DYSF: variants seen among roughly 807,000 people sequenced by gnomAD.
DYSF encodes dystrophy-associated fer-1-like 1.
A neutral mutation model predicts 274.9 loss-of-function variants in DYSF; 212 were observed. The observed-to-expected ratio is 0.77, with a 90% CI of 0.69 to 0.86. The LOEUF is 0.86. DYSF is among the 40% of genes least tolerant of loss of function. The pLI is 0.00. For missense variants in DYSF, 2,666 were observed against 2,783.2 expected (o/e 0.96, Z 0.95); for synonymous variants, 1,091 against 1,078.7 (o/e 1.01, Z -0.22).
chr2:71,617,879 GGT>G (rs756123529), intron 40 of DYSF, among the ~76,000 whole-genome samples: 2 of 20,668 alleles, frequency 9.7e-5, no homozygotes, highest in Admixed American at 6.8e-4. Flanking sequence ...GTAGAGGTGG[GGT>G]GTGTGTGGTA....
At chr2:71,567,428 C>T (rs780809906) in intron 24 of DYSF, among the ~76,000 whole-genome samples, 2 of 152,304 alleles carry the variant, frequency 1.3e-5, no homozygotes, top group African/African-American at 2.4e-5. Flanking sequence ...AATATGGTAG[C>T]CACAGATGGC....
At chr2:71,638,318 T>C (rs1439043662) in intron 41 of DYSF, among the ~76,000 whole-genome samples, 1 of 147,588 alleles carries the variant, frequency 6.8e-6, no homozygotes, top group African/African-American at 2.5e-5. Flanking sequence ...AACAGAGTTG[T>C]GCAACCATGA....
chr2:71,533,986 GCTAA>G (rs1475227513), intron 14 of DYSF, among the ~76,000 whole-genome samples: 1 of 151,910 alleles, frequency 6.6e-6, no homozygotes, highest in Non-Finnish European at 1.5e-5. Flanking sequence ...TCCTCTCTTT[GCTAA>G]CTAACACAAG....
At chr2:71,555,396 G>C (rs2091268051) in intron 21 of DYSF, among the ~76,000 whole-genome samples, 1 of 152,164 alleles carries the variant, frequency 6.6e-6, no homozygotes, top group Non-Finnish European at 1.5e-5. Flanking sequence ...CTCAGCTCAG[G>C]GCTGAGGACC....
intron 32 of DYSF, among the ~76,000 whole-genome samples, chr2:71,597,011 C>T (rs752446761): frequency 1.8e-4 from 27 of 152,226 alleles, no homozygotes; most frequent in Non-Finnish European, 3.7e-4. Context: ...TTCCTGGTCA[C>T]TCCTTGCCAG....
rs70959241 is a variant in DYSF at position 71,519,811 on chromosome 2, GTTTT to G, written c.1003-347_1003-344del. Among the ~76,000 whole-genome samples, 833 of 102,282 alleles carry G rather than the reference GTTTT, an allele frequency of 8.1e-3. 4 individuals carry two copies. Among genetic ancestry groups the G allele is most frequent in the African/African-American group, 0.03 (767 of 25,682 alleles). The allele number at this position is 102,282 out of a possible 152,430, so 67.1% of individuals were successfully genotyped here. On this transcript the variant is annotated intron_variant, in intron 10 of 55. Coordinates refer to ENST00000410020, the MANE Select transcript of DYSF (RefSeq NM_001130987.2). Reference sequence around the variant, plus strand: ...AGGCATGCACCACCACACCCGGCTAGTTTTTTTTTTTTTTTTTTTTTTTGTATTT... The same window carrying G: ...AGGCATGCACCACCACACCCGGCTAGTTTTTTTTTTTTTTTTTTTGTATTT...
chr2:71,582,943 T>C (rs1222310964), intron 30 of DYSF, among the ~76,000 whole-genome samples: 1 of 145,806 alleles, frequency 6.9e-6, no homozygotes, highest in African/African-American at 2.5e-5. Flanking sequence ...TTTGGGAGGC[T>C]GAGGTGGGAG....
rs779212891 is a variant in DYSF at position 71,660,547 on chromosome 2, TCTC to T, written c.4912-5_4912-3del. 3 of 1,611,080 alleles carry T rather than the reference TCTC, an allele frequency of 1.9e-6. No individual in the cohort carries two copies. Among genetic ancestry groups the T allele is most frequent in the Non-Finnish European group, 2.5e-6 (3 of 1,177,370 alleles). On this transcript the variant is annotated splice_polypyrimidine_tract_variant and intron_variant, in intron 44 of 55. Coordinates refer to ENST00000410020, the MANE Select transcript of DYSF (RefSeq NM_001130987.2). Reference sequence around the variant, plus strand: ...AAAGTGTTTTCACAGAAGTGTTTTGTCTCCTCCTCCAGTGTGATCCTTACATCA... The same window carrying T: ...AAAGTGTTTTCACAGAAGTGTTTTGTCTCCTCCAGTGTGATCCTTACATCA...
At chr2:71,545,666 A>G (rs376130572) in intron 17 of DYSF, among the ~76,000 whole-genome samples, 3 of 152,144 alleles carry the variant, frequency 2.0e-5, no homozygotes, top group African/African-American at 7.2e-5. Flanking sequence ...AGGGGCAGAC[A>G]GTGGTGGGGG....
At chr2:71,551,252 G>A (rs2090923433) in intron 18 of DYSF, 96 bp downstream of exon 18, 1 of 1,327,046 alleles carries the variant, frequency 7.5e-7, no homozygotes, top group African/African-American at 1.4e-5. Context: ...CCCCTCCTGG[G>A]GGCCCACGAC....
intron 52 of DYSF, among the ~76,000 whole-genome samples, chr2:71,677,602 A>C (rs1326917722): frequency 6.6e-6 from 1 of 152,190 alleles, no homozygotes; most frequent in Admixed American, 6.5e-5. Context: ...ACTAGGTGGT[A>C]GATGAAAAAG....
At position 71,535,404 on chromosome 2, in the gene DYSF, G is replaced by T. The variant is rs926262798; in HGVS notation, c.1493+93G>T. 3.1e-6 allele frequency: 4 copies of T among 1,309,318 alleles called. No individual in the cohort carries two copies. In the East Asian group the frequency reaches 6.9e-5, roughly 23 times the overall value. 81.1% of individuals were successfully genotyped at this position (1,309,318 alleles called of 1,614,324 possible). On this transcript the variant is annotated intron_variant, in intron 16 of 55. Coordinates refer to ENST00000410020, the MANE Select transcript of DYSF (RefSeq NM_001130987.2). ...TTCGGCTCAGTGACTGGTAGTAAGAGTGTGAGGGAGAAGTTTCAGGTGAGG... is the reference window on the plus strand; with the variant it reads ...TTCGGCTCAGTGACTGGTAGTAAGATTGTGAGGGAGAAGTTTCAGGTGAGG...
rs73942343 is a variant in DYSF, at chr2:71,575,848, C to T, written c.3402+1477C>T. 5.6e-3 allele frequency among the ~76,000 whole-genome samples: 847 copies of T among 152,262 alleles called. 15 individuals carry two copies. The highest frequency in any genetic ancestry group is 0.02 in the African/African-American group (823 of 41,546). The stretch of plus-strand genomic sequence containing the variant: ...AGCAGGCATTAGGCCTGGCAGGAAA[C>T]AGGTTCATACAGTGTCCCCAGGACT... On this transcript the variant is annotated intron_variant, in intron 30 of 55. Coordinates refer to ENST00000410020, the MANE Select transcript of DYSF (RefSeq NM_001130987.2).
At chr2:71,472,598 G>T (rs182789666) in intron 1 of DYSF, among the ~76,000 whole-genome samples, 2 of 152,100 alleles carry the variant, frequency 1.3e-5, no homozygotes, top group Non-Finnish European at 2.9e-5. Flanking sequence ...AGTAGAGACG[G>T]GGTTTCACCA....
chr2:71,488,958 C>A (rs2083582710), intron 3 of DYSF, among the ~76,000 whole-genome samples: 1 of 152,074 alleles, frequency 6.6e-6, no homozygotes, highest in Admixed American at 6.5e-5. Flanking sequence ...TCCTTCTCCT[C>A]CTTCCTCCTT....
Position 71,680,984 on chromosome 2 carries a change from GCT to G in DYSF, c.6064-12_6064-11del. 1 of 1,613,056 alleles carries G rather than the reference GCT, an allele frequency of 6.2e-7. No individual in the cohort carries two copies. ...AGAGCCTTCGTGCCCCTAACCAAGT[GCT>G]CTCTGTCCCCTCAGGGCAAGCTGGA... On this transcript the variant is annotated splice_polypyrimidine_tract_variant and intron_variant, in intron 53 of 55. Transcript: ENST00000410020.
At chr2:71,515,531 T>C in intron 7 of DYSF, 92 bp from the exon 8 acceptor site, 2 of 1,570,318 alleles carry the variant, frequency 1.3e-6, no homozygotes, top group South Asian at 1.1e-5. Flanking sequence ...AGTGGTGAGA[T>C]GGTCCCTGAG....
chr2:71,651,166 CA>C (rs1036047628), intron 42 of DYSF, among the ~76,000 whole-genome samples: 1 of 145,662 alleles, frequency 6.9e-6, no homozygotes, highest in Non-Finnish European at 1.5e-5. Flanking sequence ...AACAGCAGGA[CA>C]AAAAAAGAGA....
At chr2:71,653,592 T>C (rs1488449834) in intron 42 of DYSF, among the ~76,000 whole-genome samples, 1 of 139,328 alleles carries the variant, frequency 7.2e-6, no homozygotes, top group Non-Finnish European at 1.5e-5. Context: ...TTCTCACTCA[T>C]AGGTGGGAAT....
Sources: gnomAD v4.1 joint callset for allele counts (sites outside exome capture counted in the v4.1 genomes callset) on GRCh38, gnomAD v4.1.1 for gene constraint, MANE v1.5 for transcripts, NCBI Gene and HGNC (gene_info 2026-07-23, HGNC 2026-07-21) for gene names.